Variants in ERBB4 observed in about 807,000 individuals in gnomAD.
ERBB4 encodes the protein receptor tyrosine-protein kinase erbB-4.
Under a neutral mutation model 158.0 loss-of-function variants are expected in ERBB4, and 42 were observed. The ratio of observed to expected loss-of-function variants is 0.27; its 90% CI spans 0.21 to 0.34. The LOEUF (loss-of-function observed/expected upper bound fraction) is 0.34, where lower values mean the gene tolerates loss of function less well. ERBB4 is among the 10% of genes least tolerant of loss of function. The pLI, the probability that ERBB4 is intolerant of heterozygous loss-of-function variation, is 1.00. For missense variants in ERBB4, 1,333 were observed against 1,624.1 expected (o/e 0.82, Z 3.08); for synonymous variants, 583 against 558.7 (o/e 1.04, Z -0.61).
At chr2:212,318,647 A>G (rs2087409584) in intron 1 of ERBB4, among the ~76,000 whole-genome samples, 1 of 151,600 alleles carries the variant, frequency 6.6e-6, no homozygotes, top group East Asian at 2.0e-4. Flanking sequence ...TTGTGGGTAA[A>G]CTGAAGCTGA....
chr2:211,866,779 T>C (rs1319389483), intron 3 of ERBB4, among the ~76,000 whole-genome samples: 1 of 152,126 alleles, frequency 6.6e-6, no homozygotes, highest in Non-Finnish European at 1.5e-5. Flanking sequence ...TGAATATAAA[T>C]TTTAAAATAC....
rs190687911 is a variant in ERBB4, at chr2:211,472,081, T to G, written c.2488-40981A>C. Among the ~76,000 whole-genome samples, 89 of 152,170 alleles carry G rather than the reference T, an allele frequency of 5.8e-4. 1 individual carries two copies. Among genetic ancestry groups the G allele is most frequent in the South Asian group, 3.3e-3 (16 of 4,828 alleles). ...AAAGATTTCTGACCAAATGTAGATT[T>G]TAAAAGATTAAGCAATTTGGTTATC... On this transcript the variant is annotated intron_variant, in intron 20 of 27. Coordinates refer to ENST00000342788, the MANE Select transcript of ERBB4 (RefSeq NM_005235.3).
intron 3 of ERBB4, among the ~76,000 whole-genome samples, chr2:211,899,704 A>G (rs1414581406): frequency 1.3e-5 from 2 of 152,146 alleles, no homozygotes; most frequent in Non-Finnish European, 2.9e-5. Flanking sequence ...TAGTTTGCCC[A>G]TATAATTCCT....
At chr2:212,452,009 G>GGTTTTTTTTTTTT (rs1270328511) in intron 1 of ERBB4, among the ~76,000 whole-genome samples, 1 of 139,004 alleles carries the variant, frequency 7.2e-6, no homozygotes, top group Non-Finnish European at 1.6e-5. Flanking sequence ...GAGTGTGCAG[G>GGTTTTTTTTTTTT]TTTTTTTTTT....
At chr2:212,307,430 G>T (rs2086851394) in intron 1 of ERBB4, among the ~76,000 whole-genome samples, 2 of 149,900 alleles carry the variant, frequency 1.3e-5, no homozygotes, top group Admixed American at 1.3e-4. Flanking sequence ...ATAGTACTTT[G>T]AATTGCATAA....
chr2:212,438,909 T>C (rs1319872493), intron 1 of ERBB4, among the ~76,000 whole-genome samples: 1 of 152,058 alleles, frequency 6.6e-6, no homozygotes, highest in African/African-American at 2.4e-5. Context: ...AAACAGGGAA[T>C]CCAGAAACAG....
intron 20 of ERBB4, among the ~76,000 whole-genome samples, chr2:211,505,428 A>T (rs1559236421): frequency 6.6e-6 from 1 of 152,094 alleles, no homozygotes; most frequent in Non-Finnish European, 1.5e-5. Flanking sequence ...TGCTATCACT[A>T]GACTGGCCCA....
intron 19 of ERBB4, among the ~76,000 whole-genome samples, chr2:211,589,596 C>T (rs1247851817): frequency 6.6e-6 from 1 of 152,058 alleles, no homozygotes; most frequent in African/African-American, 2.4e-5. Flanking sequence ...CTTTTAATTT[C>T]CAGGAGCAGA....
At chr2:211,865,118 C>T (rs571084234) in intron 3 of ERBB4, among the ~76,000 whole-genome samples, 6 of 152,004 alleles carry the variant, frequency 3.9e-5, no homozygotes, top group Admixed American at 6.6e-5. Flanking sequence ...CAGACATCTA[C>T]TAAAAAGTCT....
chr2:211,486,642 C>CTCATCTTT, intron 20 of ERBB4, among the ~76,000 whole-genome samples: 2 of 152,172 alleles, frequency 1.3e-5, no homozygotes, highest in South Asian at 4.1e-4. Flanking sequence ...TGGGTCAAAT[C>CTCATCTTT]TCATCTTTAT....
chr2:212,315,520 C>A (rs2087234224), intron 1 of ERBB4, among the ~76,000 whole-genome samples: 2 of 151,578 alleles, frequency 1.3e-5, no homozygotes, highest in Non-Finnish European at 3.0e-5. Flanking sequence ...TGATTAGATA[C>A]TGATTCTATG....
chr2:211,624,171 T>C, intron 17 of ERBB4, 127 bp from the exon 18 acceptor site: 1 of 1,080,996 alleles, frequency 9.3e-7, no homozygotes, highest in Non-Finnish European at 1.4e-6. Flanking sequence ...TGGTTTGCCT[T>C]GACAACCAAT....
At chr2:212,191,708 A>G (rs868567768) in intron 1 of ERBB4, among the ~76,000 whole-genome samples, 2 of 147,096 alleles carry the variant, frequency 1.4e-5, no homozygotes, top group Admixed American at 6.8e-5. Context: ...AACACGTGTT[A>G]TACATGTTAC....
At chr2:211,959,446 G>T (rs1239730918) in intron 2 of ERBB4, among the ~76,000 whole-genome samples, 1 of 151,936 alleles carries the variant, frequency 6.6e-6, no homozygotes, top group Non-Finnish European at 1.5e-5. Flanking sequence ...TTATTATAAA[G>T]CTACCTCATT....
chr2:211,439,160 T>C (rs560217500), intron 20 of ERBB4, among the ~76,000 whole-genome samples: 1 of 152,102 alleles, frequency 6.6e-6, no homozygotes, highest in Non-Finnish European at 1.5e-5. Context: ...ATATTGACAC[T>C]CCAATGCTCT....
At chr2:212,094,648 C>T (rs1029133288) in intron 2 of ERBB4, among the ~76,000 whole-genome samples, 6 of 152,104 alleles carry the variant, frequency 3.9e-5, no homozygotes, top group Non-Finnish European at 5.9e-5. Flanking sequence ...GCAGGCTCCC[C>T]GGTTACCTTC....
intron 3 of ERBB4, among the ~76,000 whole-genome samples, chr2:211,849,127 A>G (rs2077659245): frequency 1.3e-5 from 2 of 151,990 alleles, no homozygotes; most frequent in Admixed American, 6.6e-5. Context: ...TTTTTTTCCT[A>G]TGCAGAAATA....
chr2:212,043,445 T>C (rs2077186108), intron 2 of ERBB4, among the ~76,000 whole-genome samples: 1 of 152,146 alleles, frequency 6.6e-6, no homozygotes, highest in Admixed American at 6.6e-5. Context: ...AGGCAATACA[T>C]TATATCAGAT....
At chr2:212,296,253 A>G (rs10445809) in intron 1 of ERBB4, among the ~76,000 whole-genome samples, 81,100 of 151,730 alleles carry the variant, frequency 0.53, 25,375 homozygotes, top group East Asian at 0.83. Context: ...CAGATATTGT[A>G]GAGTCCGTGC....
Sources: allele counts gnomAD v4.1 joint callset (sites outside exome capture counted in the v4.1 genomes callset), GRCh38; gene constraint gnomAD v4.1.1; transcripts MANE v1.5; gene names NCBI Gene and HGNC (gene_info 2026-07-23, HGNC 2026-07-21).